The following TTLL7 variants were observed in gnomAD, a reference collection of about 807,000 sequenced individuals.
TTLL7 encodes tubulin tyrosine ligase like 7.
TTLL7 carries 53 observed loss-of-function variants against 120.2 expected under a neutral mutation model. The ratio of observed to expected loss-of-function variants is 0.44; its 90% CI spans 0.35 to 0.55. The LOEUF is 0.55. Ranked by LOEUF, TTLL7 falls within the 20% of genes least tolerant of loss-of-function variation. The pLI is 0.00. For missense variants in TTLL7, 803 were observed against 1,054.7 expected (o/e 0.76, Z 3.31); for synonymous variants, 353 against 351.7 (o/e 1.00, Z -0.04).
intron 19 of TTLL7, chr1:83,887,281 G>GT: frequency 8.6e-7 from 1 of 1,166,894 alleles, no homozygotes; most frequent in Non-Finnish European, 1.1e-6. Flanking sequence ...GATTTTACAC[G>GT]TAACTGTGAA....
chr1:83,874,940 G>A (rs559917123), intron 20 of TTLL7, among the ~76,000 whole-genome samples: 2 of 151,638 alleles, frequency 1.3e-5, no homozygotes, highest in South Asian at 4.1e-4. Context: ...TCTGTTCTTA[G>A]ATAGATATAT....
chr1:83,940,645 G>A (rs1647868966), intron 7 of TTLL7, among the ~76,000 whole-genome samples: 1 of 152,036 alleles, frequency 6.6e-6, no homozygotes, highest in Admixed American at 6.6e-5. Flanking sequence ...TGTTAACCAT[G>A]TTATCTTAAA....
At chr1:83,996,679 C>G (rs930843154) in intron 1 of TTLL7, among the ~76,000 whole-genome samples, 3 of 152,158 alleles carry the variant, frequency 2.0e-5, no homozygotes, top group Non-Finnish European at 2.9e-5. Context: ...CCCTGCTAGA[C>G]TTTAAGTTCC....
intron 13 of TTLL7, among the ~76,000 whole-genome samples, chr1:83,918,689 C>T (rs1020255792): frequency 1.3e-5 from 2 of 152,080 alleles, no homozygotes; most frequent in African/African-American, 4.8e-5. Flanking sequence ...TTCATCATAA[C>T]AGCCAGAAAA....
chr1:83,900,470 G>C (rs11163864), intron 18 of TTLL7, among the ~76,000 whole-genome samples: 6,328 of 152,094 alleles, frequency 0.042, 157 homozygotes, highest in Middle Eastern at 0.099. Flanking sequence ...TTGTGAAGGA[G>C]ATGGAGCTGG....
At chr1:83,944,453 T>C (rs1648277578) in intron 6 of TTLL7, among the ~76,000 whole-genome samples, 1 of 152,214 alleles carries the variant, frequency 6.6e-6, no homozygotes, top group African/African-American at 2.4e-5. Context: ...ACACCTGTAA[T>C]CCCAGCACTT....
At chr1:83,888,309 G>C (rs1287148598) in intron 19 of TTLL7, among the ~76,000 whole-genome samples, 1 of 151,942 alleles carries the variant, frequency 6.6e-6, no homozygotes, top group Non-Finnish European at 1.5e-5. Context: ...CATCAACTAA[G>C]GGGCTGTGGA....
Position 83,870,068 on chromosome 1 carries a change from C to A in TTLL7, c.2558G>T (p.Gly853Val). 3 of 1,558,574 alleles carry A rather than the reference C, an allele frequency of 1.9e-6. No individual in the cohort carries two copies. Among genetic ancestry groups the A allele is most frequent in the Non-Finnish European group, 2.6e-6 (3 of 1,160,892 alleles). Residue 853 changes from glycine to valine, a missense_variant, in exon 21 of 21, where the codon GGG (glycine) becomes GTG (valine). This residue lies in a region of TTLL7 where 388 missense variants were observed against 450.4 expected (regional missense o/e 0.86). Coordinates refer to ENST00000260505, the MANE Select transcript of TTLL7 (RefSeq NM_024686.6). ...DWGNSRYLLP[G>V]STQFFLRTPT... Reference sequence around the variant, plus strand: ...TGTTCTCAAGAAGAATTGGGTGCTCCCTGGTAGTAAATACCTAAAAATGAT... The same window carrying A: ...TGTTCTCAAGAAGAATTGGGTGCTCACTGGTAGTAAATACCTAAAAATGAT...
At chr1:83,973,886 T>C (rs1460595316) in intron 1 of TTLL7, among the ~76,000 whole-genome samples, 1 of 151,922 alleles carries the variant, frequency 6.6e-6, no homozygotes, top group South Asian at 2.1e-4. Flanking sequence ...GGGATAATTA[T>C]TTGGGAAGAG....
chr1:83,979,260 T>G (rs1651759825), intron 1 of TTLL7: 2 of 152,212 alleles, frequency 1.3e-5, no homozygotes, highest in African/African-American at 2.4e-5. Context: ...TGAGGAATGT[T>G]GACTGACTGG....
chr1:83,955,167 T>C (rs955523743), intron 1 of TTLL7, among the ~76,000 whole-genome samples: 8 of 152,156 alleles, frequency 5.3e-5, no homozygotes, highest in Non-Finnish European at 5.9e-5. Flanking sequence ...TCTGAAGAAA[T>C]TCATTTCTCC....
At chr1:83,878,793 C>A (rs1328554255) in intron 20 of TTLL7, among the ~76,000 whole-genome samples, 1 of 151,866 alleles carries the variant, frequency 6.6e-6, no homozygotes, top group Non-Finnish European at 1.5e-5. Context: ...CCAAAAATGT[C>A]TTTTCCTTTG....
chr1:83,986,700 G>A (rs1427602444), intron 1 of TTLL7, among the ~76,000 whole-genome samples: 1 of 152,182 alleles, frequency 6.6e-6, no homozygotes, highest in Non-Finnish European at 1.5e-5. Flanking sequence ...AATTGGCCAG[G>A]AGTGGTGGCA....
intron 15 of TTLL7, among the ~76,000 whole-genome samples, chr1:83,909,621 TAATTA>T (rs1057480912): frequency 2.6e-5 from 4 of 152,230 alleles, no homozygotes; most frequent in African/African-American, 9.6e-5. Flanking sequence ...AAAAGACATG[TAATTA>T]AATTAGGCTA....
chr1:83,985,707 A>G (rs951535321), intron 1 of TTLL7, among the ~76,000 whole-genome samples: 7 of 152,130 alleles, frequency 4.6e-5, no homozygotes, highest in Non-Finnish European at 1.0e-4. Flanking sequence ...ATAAATAAAT[A>G]AACAAAAATT....
intron 20 of TTLL7, among the ~76,000 whole-genome samples, chr1:83,874,211 A>G (rs561916963): frequency 4.5e-4 from 68 of 152,208 alleles, no homozygotes; most frequent in Non-Finnish European, 6.6e-4. Context: ...TACATGCCTC[A>G]TATAAATGGA....
chr1:83,960,172 G>C (rs1273730188), intron 1 of TTLL7, among the ~76,000 whole-genome samples: 5 of 152,122 alleles, frequency 3.3e-5, no homozygotes, highest in Non-Finnish European at 7.4e-5. Flanking sequence ...GTGTCTTTTT[G>C]TAAGTATTGT....
chr1:83,933,232 A>G (rs1219022776), intron 9 of TTLL7, among the ~76,000 whole-genome samples: 2 of 152,166 alleles, frequency 1.3e-5, no homozygotes, highest in African/African-American at 4.8e-5. Flanking sequence ...CACTGAAGGC[A>G]AGATCCTGAA....
chr1:83,911,267 A>G lies in TTLL7; in HGVS notation c.1684T>C (p.Ser562Pro). The G allele has an allele frequency of 6.2e-7, 1 of 1,613,632 alleles. No individual in the cohort carries two copies. Among genetic ancestry groups the G allele is most frequent in the Admixed American group, 1.7e-5 (1 of 59,978 alleles). Residue 562 changes from serine (S) to proline (P), a missense_variant, in exon 15 of 21, where the codon TCT (serine) becomes CCT (proline). Ser to Pro is a moderately conservative substitution (Grantham distance 74). This residue lies in a region of TTLL7 where 388 missense variants were observed against 450.4 expected (regional missense o/e 0.86). Transcript: ENST00000260505. ...SYDSSSSSSE[S>P]DENEKEEYQN... ...TACTCTTCTTTTTCATTTTCGTCAGATTCTGAAGAGCTGCTGCTACTATCA... is the reference window on the plus strand; with the variant it reads ...TACTCTTCTTTTTCATTTTCGTCAGGTTCTGAAGAGCTGCTGCTACTATCA...
Sources: gnomAD v4.1 joint callset for allele counts (sites outside exome capture counted in the v4.1 genomes callset) on GRCh38, gnomAD v4.1.1 for gene constraint, gnomAD v4.1.1 regional missense constraint, MANE v1.5 for transcripts, NCBI Gene and HGNC (gene_info 2026-07-23, HGNC 2026-07-21) for gene names.